Variants in HAS2 observed in about 807,000 individuals in gnomAD.
The protein encoded by HAS2 is hyaluronan synthase 2, also known as HA synthase 2.
HAS2 carries 16 observed loss-of-function variants against 51.6 expected under a neutral mutation model. That is an observed-to-expected ratio of 0.31 (90% CI 0.21 to 0.47). HAS2 has a LOEUF of 0.47. Among genes scored for constraint, HAS2 ranks in the 20% least tolerant of loss-of-function variants. HAS2 has a pLI of 1.00. For synonymous variants in HAS2, 228 were observed against 235.5 expected (o/e 0.97, Z 0.29); for missense variants, 361 against 662.6 (o/e 0.54, Z 5.00).
At chr8:121,626,875 C>A (rs376385084) in intron 2 of HAS2, among the ~76,000 whole-genome samples, 2 of 152,122 alleles carry the variant, frequency 1.3e-5, no homozygotes, top group Admixed American at 6.6e-5. Flanking sequence ...AGCTGCTGGT[C>A]GGGTCAGTGT....
intron 1 of HAS2, among the ~76,000 whole-genome samples, chr8:121,638,703 T>A (rs905074244): frequency 1.3e-5 from 2 of 152,210 alleles, no homozygotes; most frequent in African/African-American, 4.8e-5. Flanking sequence ...GCCAAACTAT[T>A]GGGAAAACTT....
chr8:121,637,022 T>G lies in HAS2; in HGVS notation c.-1+3831A>C, dbSNP rs560389096. 1.1e-3 allele frequency among the ~76,000 whole-genome samples: 168 copies of G among 152,310 alleles called. 5 individuals carry two copies. In the South Asian group the frequency reaches 0.034, roughly 31 times the overall value. ...GCTTAACTTTTCTGAGGCAAAGTTC[T>G]TTTACTTATAAAACTTTCTTTGCAG... On this transcript the variant is annotated intron_variant, in intron 1 of 3. Transcript: ENST00000303924.
chr8:121,625,390 C>T (rs182620061), intron 2 of HAS2, among the ~76,000 whole-genome samples: 7 of 151,904 alleles, frequency 4.6e-5, no homozygotes, highest in African/African-American at 1.7e-4. Flanking sequence ...AACTTTTGTC[C>T]AACATTAAGC....
intron 2 of HAS2, among the ~76,000 whole-genome samples, chr8:121,627,011 TA>T (rs1173357328): frequency 1.4e-4 from 21 of 152,142 alleles, no homozygotes; most frequent in African/African-American, 5.1e-4. Context: ...AGGCACAGCA[TA>T]AAGTTGCCAA....
At chr8:121,627,980 A>G (rs1005445498) in intron 2 of HAS2, among the ~76,000 whole-genome samples, 4 of 152,164 alleles carry the variant, frequency 2.6e-5, no homozygotes, top group Non-Finnish European at 5.9e-5. Context: ...GGAAGCTTCA[A>G]TGAGAACCAG....
chr8:121,640,653 T>C (rs1383896957), intron 1 of HAS2, among the ~76,000 whole-genome samples, 200 bp downstream of exon 1: 1 of 152,058 alleles, frequency 6.6e-6, no homozygotes, highest in Non-Finnish European at 1.5e-5. Context: ...GCCGCAGAAA[T>C]GGGAAAAGAG....
chr8:121,622,337 T>C (rs549414327), intron 2 of HAS2, among the ~76,000 whole-genome samples: 10 of 152,176 alleles, frequency 6.6e-5, no homozygotes, highest in Admixed American at 2.0e-4. Flanking sequence ...TATAAGGCCT[T>C]GGAATCAAAT....
At chr8:121,615,083 A>T (rs773888555) in intron 3 of HAS2, 45 bp from the exon 4 acceptor site, 8 of 1,398,492 alleles carry the variant, frequency 5.7e-6, no homozygotes, top group Non-Finnish European at 7.8e-6. Context: ...TTAGCTAAAA[A>T]TTCCAGCAAA....
At chr8:121,632,162 C>T (rs1281329110) in intron 1 of HAS2, among the ~76,000 whole-genome samples, 1 of 152,122 alleles carries the variant, frequency 6.6e-6, no homozygotes, top group Admixed American at 6.5e-5. Flanking sequence ...TGGTACAGAC[C>T]AAAAGGCAAA....
chr8:121,635,623 T>C (rs1041740177), intron 1 of HAS2, among the ~76,000 whole-genome samples: 1 of 152,242 alleles, frequency 6.6e-6, no homozygotes, highest in African/African-American at 2.4e-5. Flanking sequence ...ATTCAATTAA[T>C]ATCTTTGAAC....
chr8:121,615,066 G>A (rs768755614), intron 3 of HAS2, 28 bp from the exon 4 acceptor site: 3 of 1,523,598 alleles, frequency 2.0e-6, no homozygotes, highest in Non-Finnish European at 2.7e-6. Flanking sequence ...TAAGTAATAG[G>A]TAAGCTTTAG....
intron 1 of HAS2, among the ~76,000 whole-genome samples, chr8:121,630,307 C>T (rs1812913278): frequency 6.6e-6 from 1 of 152,144 alleles, no homozygotes; most frequent in Admixed American, 6.6e-5. Flanking sequence ...AACACGTTTC[C>T]ACTCAGTAAT....
intron 3 of HAS2, among the ~76,000 whole-genome samples, chr8:121,616,300 GTC>G (rs1473825458): frequency 5.3e-5 from 8 of 151,276 alleles, no homozygotes; most frequent in Non-Finnish European, 1.0e-4. Flanking sequence ...ATAAACTTGA[GTC>G]TCTGTTTTTT....
chr8:121,619,657 C>T (rs943900187), intron 2 of HAS2, among the ~76,000 whole-genome samples: 1 of 152,222 alleles, frequency 6.6e-6, no homozygotes, highest in Middle Eastern at 3.4e-3. Context: ...AGAATTCCCC[C>T]GAAAGTGATG....
Position 121,612,358 on chromosome 8 carries a change from A to G in HAS2, c.*1751T>C, listed in dbSNP as rs1368020145. ...TTTGTTTTCCACAAGCTCTCCAATC[A>G]GTGAGAGTCTTGAGTCTCAGATGTA... On this transcript the variant is annotated 3_prime_UTR_variant, in exon 4 of 4. Coordinates refer to ENST00000303924, the MANE Select transcript of HAS2 (RefSeq NM_005328.3). 1 of 152,176 alleles carries G rather than the reference A, an allele frequency of 6.6e-6. No homozygotes were observed. Among genetic ancestry groups the G allele is most frequent in the Admixed American group, 6.5e-5 (1 of 15,268 alleles). The allele number at this position is 152,176 out of a possible 1,614,324, so 9.4% of individuals were successfully genotyped here.
chr8:121,634,156 T>C (rs1812974878), intron 1 of HAS2, among the ~76,000 whole-genome samples: 1 of 151,974 alleles, frequency 6.6e-6, no homozygotes, highest in Non-Finnish European at 1.5e-5. Flanking sequence ...GTGATCCACC[T>C]GGTCTCGAAC....
At chr8:121,631,802 G>C (rs1563623540) in intron 1 of HAS2, among the ~76,000 whole-genome samples, 1 of 152,258 alleles carries the variant, frequency 6.6e-6, no homozygotes, top group Non-Finnish European at 1.5e-5. Context: ...TCTCACAAGA[G>C]TGAAAAATTT....
intron 2 of HAS2, among the ~76,000 whole-genome samples, chr8:121,625,354 T>A (rs1812832351): frequency 1.3e-5 from 2 of 152,116 alleles, no homozygotes; most frequent in Admixed American, 1.3e-4. Context: ...AAAAAGCCAG[T>A]ATAAACACTA....
intron 2 of HAS2, among the ~76,000 whole-genome samples, chr8:121,621,941 C>T (rs1462792033): frequency 6.6e-6 from 1 of 152,062 alleles, no homozygotes; most frequent in Non-Finnish European, 1.5e-5. Flanking sequence ...CTGGCTGCCT[C>T]CAATGAGGAA....
Sources: allele counts gnomAD v4.1 joint callset (sites outside exome capture counted in the v4.1 genomes callset), GRCh38; gene constraint gnomAD v4.1.1; transcripts MANE v1.5; gene names NCBI Gene and HGNC (gene_info 2026-07-23, HGNC 2026-07-21).